GRIP1: variants seen among roughly 807,000 people sequenced by gnomAD.
GRIP1 encodes the protein glutamate receptor interacting protein 1.
In GRIP1, 45 loss-of-function variants were observed where a neutral mutation model predicts 129.9. That is an observed-to-expected ratio of 0.35 (90% confidence interval 0.27 to 0.44). The LOEUF (loss-of-function observed/expected upper bound fraction) is 0.44, where lower values mean the gene tolerates loss of function less well. Among genes scored for constraint, GRIP1 ranks in the 20% least tolerant of loss-of-function variants. The pLI is 1.00. For synonymous variants in GRIP1, 530 were observed against 520.8 expected, an observed-to-expected ratio of 1.02 and a Z score of -0.24; for missense variants, 1,196 against 1,396.8, an observed-to-expected ratio of 0.86 and a Z score of 2.29.
intron 1 of GRIP1, among the ~76,000 whole-genome samples, chr12:66,793,669 C>T (rs903253558): frequency 6.6e-6 from 1 of 152,054 alleles, no homozygotes; most frequent in Non-Finnish European, 1.5e-5. Context: ...CAACCCATCA[C>T]GAGGATGGAG....
intron 1 of GRIP1, among the ~76,000 whole-genome samples, chr12:66,831,083 G>A (rs2137016944): frequency 6.6e-6 from 1 of 151,994 alleles, no homozygotes; most frequent in East Asian, 1.9e-4. Flanking sequence ...CGAACTCTTG[G>A]GCTAAAGCAA....
At chr12:66,846,590 G>C (rs1464305234) in intron 1 of GRIP1, among the ~76,000 whole-genome samples, 1 of 152,154 alleles carries the variant, frequency 6.6e-6, no homozygotes, top group Non-Finnish European at 1.5e-5. Flanking sequence ...AGTTCATTTT[G>C]GAGGCTATGA....
At chr12:66,791,658 A>C (rs2038541281) in intron 1 of GRIP1, among the ~76,000 whole-genome samples, 1 of 152,140 alleles carries the variant, frequency 6.6e-6, no homozygotes, top group African/African-American at 2.4e-5. Flanking sequence ...ATAACTCAAC[A>C]ATACTCTTTT....
At chr12:66,862,928 T>C (rs1230152351) in intron 1 of GRIP1, among the ~76,000 whole-genome samples, 1 of 152,044 alleles carries the variant, frequency 6.6e-6, no homozygotes, top group African/African-American at 2.4e-5. Flanking sequence ...TCTTAAATGA[T>C]ATAATGATGA....
chr12:66,637,567 T>C (rs1260345137), intron 1 of GRIP1, among the ~76,000 whole-genome samples: 1 of 129,456 alleles, frequency 7.7e-6, no homozygotes, highest in Non-Finnish European at 1.7e-5. Context: ...TCTTGTTATT[T>C]TTGTATGTTT....
chr12:66,651,105 C>T (rs2032762995), intron 1 of GRIP1, among the ~76,000 whole-genome samples: 1 of 152,162 alleles, frequency 6.6e-6, no homozygotes, highest in African/African-American at 2.4e-5. Context: ...CCTAGTAGAA[C>T]ATTTGTTTCC....
intron 4 of GRIP1, among the ~76,000 whole-genome samples, chr12:66,533,926 CTG>C (rs1462575635): frequency 6.6e-6 from 1 of 150,596 alleles, no homozygotes; most frequent in East Asian, 1.9e-4. Context: ...TTTCTGAACT[CTG>C]TGGTTAGCTG....
chr12:66,909,131 T>C (rs1302796575), intron 1 of GRIP1, among the ~76,000 whole-genome samples: 2 of 152,222 alleles, frequency 1.3e-5, no homozygotes, highest in African/African-American at 4.8e-5. Flanking sequence ...TTGAAAAATC[T>C]CCTTCCTTCT....
At chr12:67,033,255 G>T (rs1284573138) in intron 1 of GRIP1, among the ~76,000 whole-genome samples, 1 of 140,644 alleles carries the variant, frequency 7.1e-6, no homozygotes, top group Admixed American at 7.3e-5. Context: ...AGGAGACCTG[G>T]GATCAAAGAC....
chr12:67,052,767 A>T (rs1370162602), intron 1 of GRIP1, among the ~76,000 whole-genome samples: 1 of 47,432 alleles, frequency 2.1e-5, no homozygotes, highest in Non-Finnish European at 3.9e-5. Context: ...TCAAAAATGA[A>T]GGGAGGGAGG....
intron 1 of GRIP1, among the ~76,000 whole-genome samples, chr12:66,935,815 C>T (rs1489295874): frequency 6.6e-6 from 1 of 152,128 alleles, no homozygotes; most frequent in Non-Finnish European, 1.5e-5. Flanking sequence ...TTTAAATATT[C>T]AGCAGTCTAT....
intron 1 of GRIP1, among the ~76,000 whole-genome samples, chr12:66,937,971 T>A (rs2041515103): frequency 6.6e-6 from 1 of 152,234 alleles, no homozygotes; most frequent in Admixed American, 6.5e-5. Context: ...GAACTATAGC[T>A]AGTCTGAATT....
intron 2 of GRIP1, among the ~76,000 whole-genome samples, chr12:66,563,208 C>T (rs76176176): frequency 0.017 from 2,564 of 151,566 alleles, 64 homozygotes; most frequent in African/African-American, 0.059. Flanking sequence ...ACATATAATC[C>T]AACATATGGA....
intron 4 of GRIP1, among the ~76,000 whole-genome samples, chr12:66,536,359 C>G (rs2139168610): frequency 6.6e-6 from 1 of 152,308 alleles, no homozygotes; most frequent in Non-Finnish European, 1.5e-5. Flanking sequence ...TTAAGGTCCT[C>G]CCAGTGGCCT....
intron 1 of GRIP1, among the ~76,000 whole-genome samples, chr12:66,956,582 A>C (rs574501255): frequency 6.6e-6 from 1 of 152,212 alleles, no homozygotes; most frequent in Non-Finnish European, 1.5e-5. Flanking sequence ...GAGTGTAGAA[A>C]GATGTTAAAG....
chr12:67,054,271 T>C (rs1418152001), intron 1 of GRIP1, among the ~76,000 whole-genome samples: 1 of 152,238 alleles, frequency 6.6e-6, no homozygotes, highest in African/African-American at 2.4e-5. Flanking sequence ...AGAGATTTCA[T>C]TTATTTAACA....
Position 66,640,044 on chromosome 12 carries a change from C to T in GRIP1, c.55+38806G>A, listed in dbSNP as rs545531483. Among the ~76,000 whole-genome samples the T allele has an allele frequency of 3.3e-5, 5 of 152,254 alleles. No homozygotes were observed. The South Asian group carries it at 1.0e-3, about 32-fold the overall frequency. On this transcript the variant is annotated intron_variant, in intron 1 of 24. Transcript: ENST00000359742. ...TTTCTTTCTGGCCTGATATTTTCTA[C>T]TTGGTCTTCAAAATTCAGCTGAAGG...
intron 2 of GRIP1, among the ~76,000 whole-genome samples, chr12:66,587,510 C>A (rs577406827): frequency 1.3e-5 from 2 of 152,370 alleles, no homozygotes; most frequent in Admixed American, 1.3e-4. Flanking sequence ...GCTAGCCTGC[C>A]AGCTCCAGGA....
intron 1 of GRIP1, among the ~76,000 whole-genome samples, chr12:66,715,452 ATG>A (rs36142878): frequency 5.3e-4 from 39 of 73,090 alleles, no homozygotes; most frequent in African/African-American, 1.9e-3. Context: ...TTGTAGCTTG[ATG>A]TGTGTGTGTG....
Sources: gnomAD v4.1 joint callset for allele counts (sites outside exome capture counted in the v4.1 genomes callset) on GRCh38, gnomAD v4.1.1 for gene constraint, MANE v1.5 for transcripts, NCBI Gene and HGNC (gene_info 2026-07-23, HGNC 2026-07-21) for gene names.